The following ZNF266 variants were observed in gnomAD, a reference collection of about 807,000 sequenced individuals.
ZNF266 encodes the protein zinc finger protein 1.
Under a neutral mutation model 16.4 loss-of-function variants are expected in ZNF266, and 16 were observed. The observed-to-expected ratio is 0.98, with a 90% CI of 0.66 to 1.48. ZNF266 has a LOEUF of 1.48. Ranked by LOEUF, ZNF266 falls within the 40% of genes most tolerant of loss-of-function variation. The pLI, the probability that ZNF266 is intolerant of heterozygous loss-of-function variation, is 0.00. For synonymous variants in ZNF266, 262 were observed against 237.9 expected, an observed-to-expected ratio of 1.10 and a Z score of -0.93; for missense variants, 738 against 689.1, an observed-to-expected ratio of 1.07 and a Z score of -0.79.
chr19:9,426,453 GAA>G, intron 5 of ZNF266, among the ~76,000 whole-genome samples: 1 of 140,102 alleles, frequency 7.1e-6, no homozygotes, highest in African/African-American at 2.7e-5. Context: ...ACCAGAGACA[GAA>G]ATTAAGAACC....
chr19:9,414,596 A>C lies in ZNF266; in HGVS notation c.530T>G (p.Leu177Arg), dbSNP rs999754351. ...QNSENTFECY[L>R]YGVDFLTLHK... is the part of the protein sequence containing the mutation. ...CAGAGTAAGGAAGTCTACTCCATAC[A>C]GATAACACTCAAATGTGTTCTCACT... Residue 177 changes from leucine (L) to arginine (R), a missense_variant, in exon 11 of 11, where the codon CTG (leucine) becomes CGG (arginine). Physicochemically the swap from Leu to Arg is moderately radical, Grantham distance 102 (BLOSUM62 -2). Transcript: ENST00000592904. 1 of 1,613,228 alleles carries C rather than the reference A, an allele frequency of 6.2e-7. No individual in the cohort carries two copies. Among genetic ancestry groups the C allele is most frequent in the Non-Finnish European group, 8.5e-7 (1 of 1,179,162 alleles).
At chr19:9,424,374 G>T (rs1367546414) in intron 5 of ZNF266, among the ~76,000 whole-genome samples, 2 of 152,210 alleles carry the variant, frequency 1.3e-5, no homozygotes, top group African/African-American at 2.4e-5. Context: ...ATACTCCATA[G>T]AAAAGGTTAA....
chr19:9,418,564 G>A lies in ZNF266; in HGVS notation c.176C>T (p.Thr59Ile), dbSNP rs1030077224. The A allele has an allele frequency of 1.2e-6, 2 of 1,613,964 alleles. No individual in the cohort carries two copies. The highest frequency in any genetic ancestry group is 2.7e-5 in the African/African-American group (2 of 74,930). Residue 59 changes from threonine to isoleucine, a missense_variant, in exon 8 of 11, where the codon ACT becomes ATT. By Grantham distance (89) the Thr-to-Ile change is moderately conservative (BLOSUM62 -1). Coordinates refer to ENST00000592904, the MANE Select transcript of ZNF266 (RefSeq NM_001370374.1). ...CACATCTCTGTAGAGGTTTCTCTGA[G>A]TTGGGTCCAGTAAAGTCCATTCTTC... Reference protein sequence around the residue: ...TPEEWTLLDPTQRNLYRDVML... With the variant: ...TPEEWTLLDPIQRNLYRDVML...
At chr19:9,416,782 C>G (rs1304034197) in intron 9 of ZNF266, among the ~76,000 whole-genome samples, 1 of 148,692 alleles carries the variant, frequency 6.7e-6, no homozygotes, top group Non-Finnish European at 1.5e-5. Context: ...AGCGATTCTC[C>G]TGCCTCAGCC....
chr19:9,432,805 T>C (rs953662708), intron 5 of ZNF266, among the ~76,000 whole-genome samples: 2 of 152,090 alleles, frequency 1.3e-5, no homozygotes, highest in Non-Finnish European at 2.9e-5. Flanking sequence ...AAATAAATGC[T>C]TCCAAAGCAA....
rs140176024 is a variant in ZNF266 at position 9,413,086 on chromosome 19, G to A, written c.*189C>T. 2 of 637,000 alleles carry A rather than the reference G, an allele frequency of 3.1e-6. No homozygotes were observed. Among genetic ancestry groups the A allele is most frequent in the East Asian group, 5.8e-5 (2 of 34,278 alleles). 39.5% of individuals were successfully genotyped at this position (637,000 alleles called of 1,614,324 possible). ...TGAGATTTCTGATGTGTTTGGTAAG[G>A]CTTGAGAATTCAGCAAAGTCATTTC... On this transcript the variant is annotated 3_prime_UTR_variant, in exon 11 of 11. Coordinates refer to ENST00000592904, the MANE Select transcript of ZNF266 (RefSeq NM_001370374.1).
chr19:9,415,808 G>C (rs754305690), intron 9 of ZNF266, 66 bp from the exon 10 acceptor site: 18 of 1,340,448 alleles, frequency 1.3e-5, no homozygotes, highest in Non-Finnish European at 1.8e-5. Context: ...CTGAAAATGA[G>C]AGGGATCATT....
chr19:9,420,030 C>T (rs1163381445), intron 6 of ZNF266, 35 bp downstream of exon 6: 1 of 152,564 alleles, frequency 6.6e-6, no homozygotes, highest in African/African-American at 2.4e-5. Flanking sequence ...ACACCTAAAG[C>T]AGGGTATCTG....
At position 9,418,590 on chromosome 19, in the gene ZNF266, T is replaced by C. The variant is rs2069410290; in HGVS notation, c.150A>G (p.Pro50=). The C allele has an allele frequency of 6.3e-7, 1 of 1,590,642 alleles. No homozygotes were observed. Among genetic ancestry groups the C allele is most frequent in the Non-Finnish European group, 8.6e-7 (1 of 1,158,772 alleles). Residue 50 remains proline, a synonymous_variant, in exon 8 of 11, where the codon CCA becomes CCG. Coordinates refer to ENST00000592904, the MANE Select transcript of ZNF266 (RefSeq NM_001370374.1). Reference sequence around the variant, plus strand: ...TTGGGTCCAGTAAAGTCCATTCTTCTGGGGTGAAGTCCACAGCCAGATCAT... The same window carrying C: ...TTGGGTCCAGTAAAGTCCATTCTTCCGGGGTGAAGTCCACAGCCAGATCAT... ...TFDDLAVDFT[P]EEWTLLDPTQ... is the part of the protein sequence containing the mutation.
intron 5 of ZNF266, among the ~76,000 whole-genome samples, chr19:9,430,718 C>G (rs775417512): frequency 7.9e-5 from 12 of 152,110 alleles, no homozygotes; most frequent in Non-Finnish European, 1.2e-4. Context: ...CAACACACCC[C>G]ACAGCTGCTG....
intron 5 of ZNF266, among the ~76,000 whole-genome samples, chr19:9,428,936 G>C (rs1320699409): frequency 6.6e-6 from 1 of 151,630 alleles, no homozygotes; most frequent in Non-Finnish European, 1.5e-5. Flanking sequence ...GTCTCGCTAT[G>C]TTGCCCAGGC....
At chr19:9,426,483 T>A (rs1221408477) in intron 5 of ZNF266, among the ~76,000 whole-genome samples, 1 of 120,442 alleles carries the variant, frequency 8.3e-6, no homozygotes, top group Non-Finnish European at 1.8e-5. Flanking sequence ...CAGTTAAAAG[T>A]CTAAGACCAA....
At chr19:9,415,617 A>T (rs763694809) in intron 10 of ZNF266, 37 bp downstream of exon 10, 16 of 1,521,770 alleles carry the variant, frequency 1.1e-5, no homozygotes, top group Non-Finnish European at 1.5e-5. Context: ...AATCATCTCT[A>T]AATGTGAAAA....
chr19:9,431,082 C>T (rs2071515156), intron 5 of ZNF266, among the ~76,000 whole-genome samples: 1 of 152,186 alleles, frequency 6.6e-6, no homozygotes, highest in African/African-American at 2.4e-5. Context: ...GAATTTACAG[C>T]CACTCTCCAG....
Position 9,414,220 on chromosome 19 carries a change from A to C in ZNF266, c.906T>G (p.Thr302=). Residue 302 remains threonine, a synonymous_variant, in exon 11 of 11, where the codon ACT becomes ACG. Transcript: ENST00000592904. ...AYLNIHMGTH[T]GDNPYECKEC... is the part of the protein sequence containing the mutation. ...CCTTACACTCATAGGGATTGTCTCC[A>C]GTGTGGGTTCCCATGTGAATATTAA... 1 of 1,614,234 alleles carries C rather than the reference A, an allele frequency of 6.2e-7. No homozygotes were observed. Among genetic ancestry groups the C allele is most frequent in the Non-Finnish European group, 8.5e-7 (1 of 1,180,040 alleles).
In ZNF266 at chr19:9,417,828, C is replaced by T. The variant is rs1288691945; in HGVS notation, c.316G>A (p.Ala106Thr). 3.1e-6 allele frequency: 5 copies of T among 1,613,452 alleles called. No individual in the cohort carries two copies. The highest frequency in any genetic ancestry group is 4.2e-6 in the Non-Finnish European group (5 of 1,179,652). Residue 106 changes from alanine to threonine, a missense_variant and splice_region_variant, in exon 9 of 11, where the codon GCT (alanine) becomes ACT (threonine). Coordinates refer to ENST00000592904, the MANE Select transcript of ZNF266 (RefSeq NM_001370374.1). ...SRTVQRGDFQ[A>T]SEWKVQLKTK... The stretch of plus-strand genomic sequence containing the variant: ...AGGGCGGTCCTTTGTGAACACTCAC[C>T]TTGGAAATCACCTCTCTGCACTGTC...
chr19:9,417,709 C>T (rs914291991), intron 9 of ZNF266, 119 bp downstream of exon 9: 10 of 766,232 alleles, frequency 1.3e-5, no homozygotes, highest in South Asian at 3.7e-5. Context: ...GACTGTGCCA[C>T]GGCACTCCAG....
intron 9 of ZNF266, among the ~76,000 whole-genome samples, chr19:9,416,083 A>G (rs2068932795): frequency 6.6e-6 from 1 of 152,136 alleles, no homozygotes; most frequent in Non-Finnish European, 1.5e-5. Flanking sequence ...CAGCCCCTCA[A>G]AGTGCTGGGA....
At chr19:9,414,800 C>T in intron 10 of ZNF266, 80 bp from the exon 11 acceptor site, 2 of 1,393,462 alleles carry the variant, frequency 1.4e-6, no homozygotes, top group Non-Finnish European at 1.9e-6. Context: ...GAGAGGAACA[C>T]TGTGATGATT....
Sources: gnomAD v4.1 joint callset for allele counts (sites outside exome capture counted in the v4.1 genomes callset) on GRCh38, gnomAD v4.1.1 for gene constraint, MANE v1.5 for transcripts, NCBI Gene and HGNC (gene_info 2026-07-23, HGNC 2026-07-21) for gene names.